NECTIN1: variants seen among roughly 807,000 people sequenced by gnomAD.
NECTIN1 encodes nectin-1.
Under a neutral mutation model 48.0 loss-of-function variants are expected in NECTIN1, and 23 were observed. The ratio of observed to expected loss-of-function variants is 0.48; its 90% CI spans 0.34 to 0.68. The LOEUF (loss-of-function observed/expected upper bound fraction) is 0.68. Among genes scored for constraint, NECTIN1 ranks in the 30% least tolerant of loss-of-function variants. The pLI is 0.01. For missense variants in NECTIN1, 591 were observed against 709.9 expected (o/e 0.83, Z 1.90); for synonymous variants, 270 against 288.9 (o/e 0.93, Z 0.66).
intron 5 of NECTIN1, chr11:119,640,991 T>C (rs1374626236): frequency 6.6e-6 from 1 of 152,216 alleles, no homozygotes; most frequent in Non-Finnish European, 1.5e-5. Flanking sequence ...TTTCCTAAAG[T>C]GGAATTGACA....
intron 5 of NECTIN1, among the ~76,000 whole-genome samples, chr11:119,669,659 C>T (rs531713872): frequency 6.6e-6 from 1 of 152,262 alleles, no homozygotes; most frequent in East Asian, 1.9e-4. Context: ...ACGTGCTCTG[C>T]TTGCCCTACG....
At chr11:119,685,192 G>C (rs1250489219) in intron 1 of NECTIN1, among the ~76,000 whole-genome samples, 1 of 152,228 alleles carries the variant, frequency 6.6e-6, no homozygotes, top group Non-Finnish European at 1.5e-5. Flanking sequence ...TGAGCCCACA[G>C]TCAGGGGCTA....
chr11:119,700,123 C>T (rs566470159), intron 1 of NECTIN1, among the ~76,000 whole-genome samples: 5 of 152,254 alleles, frequency 3.3e-5, no homozygotes, highest in South Asian at 2.1e-4. Flanking sequence ...GGTGAGGGCC[C>T]GCCTGAGGGT....
At chr11:119,651,609 G>C (rs1402544164) in intron 5 of NECTIN1, among the ~76,000 whole-genome samples, 1 of 152,044 alleles carries the variant, frequency 6.6e-6, no homozygotes, top group Non-Finnish European at 1.5e-5. Flanking sequence ...GGAGGGCAGA[G>C]TGGGTCACTC....
chr11:119,678,557 A>G lies in NECTIN1; in HGVS notation c.288T>C (p.Arg96=). 1 of 1,614,130 alleles carries G rather than the reference A, an allele frequency of 6.2e-7. No homozygotes were observed. The highest frequency in any genetic ancestry group is 8.5e-7 in the Non-Finnish European group (1 of 1,180,024). ...TGAAGGAGGGCCGCAGGAATTCCAC[A>G]CGCTCGCGGTAGGGAGCCAGCACGG... ...GVSVLAPYRE[R]VEFLRPSFTD... The change falls in exon 2 of 6, where the codon CGT becomes CGC. Residue 96 remains arginine (R), a synonymous_variant. Transcript: ENST00000264025. The surrounding 1 kb of genome is among the most constrained non-coding windows in gnomAD (Gnocchi z 4.4).
At chr11:119,701,939 T>A (rs1018980440) in intron 1 of NECTIN1, among the ~76,000 whole-genome samples, 5 of 152,080 alleles carry the variant, frequency 3.3e-5, no homozygotes, top group Non-Finnish European at 5.9e-5. Flanking sequence ...CACTCCCAAT[T>A]ATCTCCCTCT....
intron 5 of NECTIN1, among the ~76,000 whole-genome samples, chr11:119,643,677 A>G (rs1289179140): frequency 6.6e-6 from 1 of 152,176 alleles, no homozygotes; most frequent in Non-Finnish European, 1.5e-5. Context: ...CCCCAGCCAG[A>G]ACCCTGGCAT....
At chr11:119,706,794 G>A (rs1034734438) in intron 1 of NECTIN1, among the ~76,000 whole-genome samples, 1 of 152,132 alleles carries the variant, frequency 6.6e-6, no homozygotes, top group East Asian at 1.9e-4. Context: ...CAGCCTTTTC[G>A]GAGCATTTGT....
At chr11:119,667,189 C>T (rs1024780301) in intron 5 of NECTIN1, among the ~76,000 whole-genome samples, 1 of 152,168 alleles carries the variant, frequency 6.6e-6, no homozygotes, top group Non-Finnish European at 1.5e-5. Flanking sequence ...AAAAGGGCCC[C>T]GCAACTGCTC....
chr11:119,719,000 G>T (rs1865785724), intron 1 of NECTIN1, among the ~76,000 whole-genome samples: 5 of 152,210 alleles, frequency 3.3e-5, no homozygotes, highest in Admixed American at 2.0e-4. Flanking sequence ...TAGGCTGAAG[G>T]TAATTTTATA....
intron 1 of NECTIN1, chr11:119,713,948 G>A (rs1283892307): frequency 2.2e-6 from 1 of 446,072 alleles, no homozygotes; most frequent in Non-Finnish European, 4.5e-6. Flanking sequence ...ACTCTAAACA[G>A]AGTCTCCTGG....
At chr11:119,675,410 TGA>T (rs1252907116) in intron 4 of NECTIN1, 100 bp from the exon 5 acceptor site, 6 of 1,202,298 alleles carry the variant, frequency 5.0e-6, no homozygotes, top group Non-Finnish European at 7.4e-6. Flanking sequence ...AGCCTTTTGC[TGA>T]GCTTGTGTGG....
chr11:119,644,536 G>A lies in NECTIN1; in HGVS notation c.1004-4524C>T, dbSNP rs116156441. ...TCCTCCTTCAGTTAGACAAACGTGT[G>A]CCTCACACTTCTATGTGCCAGGCAT... On this transcript the variant is annotated intron_variant, in intron 5 of 7. Coordinates refer to the NECTIN1 transcript ENST00000341398. 4.2e-3 allele frequency among the ~76,000 whole-genome samples: 639 copies of A among 152,354 alleles called. 4 individuals are homozygous for A. Among genetic ancestry groups the A allele is most frequent in the African/African-American group, 0.014 (593 of 41,588 alleles).
At chr11:119,697,227 A>G (rs905635048) in intron 1 of NECTIN1, among the ~76,000 whole-genome samples, 5 of 152,176 alleles carry the variant, frequency 3.3e-5, no homozygotes, top group Non-Finnish European at 7.4e-5. Context: ...AGGGAAATGC[A>G]AGGGCTTGCG....
At chr11:119,669,718 C>T (rs1864836036) in intron 5 of NECTIN1, among the ~76,000 whole-genome samples, 2 of 152,140 alleles carry the variant, frequency 1.3e-5, no homozygotes, top group Non-Finnish European at 2.9e-5. Flanking sequence ...TGCAGGCTTG[C>T]CCCACTCCTG....
At chr11:119,697,973 C>T (rs1318320890) in intron 1 of NECTIN1, among the ~76,000 whole-genome samples, 2 of 152,210 alleles carry the variant, frequency 1.3e-5, no homozygotes, top group Non-Finnish European at 2.9e-5. Flanking sequence ...CAGCTCCTTA[C>T]CAGGGACAGG....
intron 5 of NECTIN1, among the ~76,000 whole-genome samples, chr11:119,668,279 G>A (rs893970819): frequency 2.0e-5 from 3 of 152,096 alleles, no homozygotes; most frequent in Non-Finnish European, 2.9e-5. Context: ...TGCTGTGGTC[G>A]ATTCCTAAAT....
chr11:119,660,910 T>C (rs981599757), downstream of NECTIN1: 8 of 756,824 alleles, frequency 1.1e-5, no homozygotes, highest in African/African-American at 1.9e-5. Flanking sequence ...CCCCTCACTA[T>C]CCCTCTGTGC....
At chr11:119,695,850 C>T (rs1428072015) in intron 1 of NECTIN1, among the ~76,000 whole-genome samples, 1 of 152,214 alleles carries the variant, frequency 6.6e-6, no homozygotes, top group East Asian at 1.9e-4. Context: ...GCTCCTCCAG[C>T]CCCCTTTACC....
Sources: allele counts gnomAD v4.1 joint callset (sites outside exome capture counted in the v4.1 genomes callset), GRCh38; gene constraint gnomAD v4.1.1; non-coding constraint Gnocchi (gnomAD v3.1); transcripts MANE v1.5; gene names NCBI Gene and HGNC (gene_info 2026-07-23, HGNC 2026-07-21).